The following LGSN variants were observed in gnomAD, a reference collection of about 807,000 sequenced individuals.
LGSN encodes lengsin.
In LGSN, 21 loss-of-function variants were observed where a neutral mutation model predicts 19.5. That is an observed-to-expected ratio of 1.07 (90% confidence interval 0.76 to 1.55). The LOEUF is 1.55. Among genes scored for constraint, LGSN ranks in the 40% most tolerant of loss-of-function variants. The pLI, the probability that LGSN is intolerant of heterozygous loss-of-function variation, is 0.00. For missense variants in LGSN, 673 were observed against 608.5 expected (o/e 1.11, Z -1.12); for synonymous variants, 257 against 215.6 (o/e 1.19, Z -1.68).
At chr6:63,313,703 G>A (rs149125309) in intron 1 of LGSN, among the ~76,000 whole-genome samples, 4,023 of 152,024 alleles carry the variant, frequency 0.026, 179 homozygotes, top group African/African-American at 0.093. Flanking sequence ...GGACATGGTG[G>A]TGCACGCCTG....
At chr6:63,456,028 G>C in the LGSN span, among the ~76,000 whole-genome samples, 7 of 151,704 alleles carry the variant, frequency 4.6e-5, no homozygotes, top group East Asian at 9.8e-4. Context: ...AGGAGTTCGG[G>C]ACCAGCCTGG....
At chr6:63,471,527 A>G in the LGSN span, among the ~76,000 whole-genome samples, 1 of 151,632 alleles carries the variant, frequency 6.6e-6, no homozygotes, top group Non-Finnish European at 1.5e-5. Context: ...TTAGCCAGGT[A>G]TGGTGGCAGG....
the LGSN span, among the ~76,000 whole-genome samples, chr6:63,472,435 T>C: frequency 6.6e-6 from 1 of 152,182 alleles, no homozygotes; most frequent in African/African-American, 2.4e-5. Flanking sequence ...GCTTCAACAT[T>C]GAGTGCCTAG....
the LGSN span, among the ~76,000 whole-genome samples, chr6:63,340,001 T>G: frequency 6.6e-6 from 1 of 152,150 alleles, no homozygotes; most frequent in Non-Finnish European, 1.5e-5. Context: ...TTACTTCTCC[T>G]CATTTTCTGA....
chr6:63,540,536 G>C, the LGSN span, among the ~76,000 whole-genome samples: 38,744 of 151,834 alleles, frequency 0.26, 5,835 homozygotes, highest in Admixed American at 0.34. Flanking sequence ...CATGAGAATC[G>C]CTTGAACCCA....
chr6:63,493,200 TTA>T, the LGSN span, among the ~76,000 whole-genome samples: 1 of 152,216 alleles, frequency 6.6e-6, no homozygotes, highest in Non-Finnish European at 1.5e-5. Context: ...GTTAGGAGAA[TTA>T]GGTCACAAAG....
chr6:63,543,016 C>G, the LGSN span, among the ~76,000 whole-genome samples: 4 of 152,164 alleles, frequency 2.6e-5, no homozygotes, highest in Non-Finnish European at 5.9e-5. Flanking sequence ...ATGAGTTCCA[C>G]TACCCATCAC....
the LGSN span, among the ~76,000 whole-genome samples, chr6:63,345,511 G>A: frequency 6.6e-6 from 1 of 152,108 alleles, no homozygotes; most frequent in Non-Finnish European, 1.5e-5. Flanking sequence ...GTCTTGGGAG[G>A]TCACTAGAAG....
the LGSN span, among the ~76,000 whole-genome samples, chr6:63,450,680 T>G: frequency 7.1e-6 from 1 of 140,260 alleles, no homozygotes; most frequent in African/African-American, 2.7e-5. Context: ...ATTATAATGG[T>G]TTTTTTTTTT....
chr6:63,382,079 G>A, the LGSN span, among the ~76,000 whole-genome samples: 2 of 152,032 alleles, frequency 1.3e-5, no homozygotes, highest in East Asian at 1.9e-4. Flanking sequence ...AATCATTAAG[G>A]CTTCTCACTT....
At chr6:63,357,435 T>C in the LGSN span, among the ~76,000 whole-genome samples, 1 of 150,142 alleles carries the variant, frequency 6.7e-6, no homozygotes, top group African/African-American at 2.5e-5. Flanking sequence ...TCGAAGTAGT[T>C]TACAGTCCCA....
chr6:63,359,106 G>T, the LGSN span, among the ~76,000 whole-genome samples: 16 of 151,824 alleles, frequency 1.1e-4, no homozygotes, highest in South Asian at 4.1e-4. Context: ...GGTTTTTGTC[G>T]TTGGTTCTGT....
At chr6:63,363,182 A>C in the LGSN span, among the ~76,000 whole-genome samples, 2 of 152,216 alleles carry the variant, frequency 1.3e-5, no homozygotes, top group African/African-American at 4.8e-5. Context: ...TCTACACCAA[A>C]ACCCCATCTG....
the LGSN span, among the ~76,000 whole-genome samples, chr6:63,403,544 T>G: frequency 6.6e-6 from 1 of 151,764 alleles, no homozygotes; most frequent in Non-Finnish European, 1.5e-5. Context: ...AAAACATAAA[T>G]TAAGTAGAAA....
At chr6:63,572,545 G>C in the LGSN span, 1 of 396,352 alleles carries the variant, frequency 2.5e-6, no homozygotes, top group Non-Finnish European at 4.4e-6. Flanking sequence ...GCTCCGAGCC[G>C]CTCACTGCAT....
At chr6:63,345,421 C>T in the LGSN span, among the ~76,000 whole-genome samples, 10 of 152,070 alleles carry the variant, frequency 6.6e-5, no homozygotes, top group Middle Eastern at 3.4e-3. Flanking sequence ...TTTTATTTTC[C>T]GCCAAAAATA....
the LGSN span, among the ~76,000 whole-genome samples, chr6:63,406,493 C>G: frequency 6.7e-6 from 1 of 149,608 alleles, no homozygotes; most frequent in Admixed American, 6.6e-5. Flanking sequence ...AACAAAGACA[C>G]AACATACCAG....
At chr6:63,392,368 G>A in the LGSN span, 7 of 152,390 alleles carry the variant, frequency 4.6e-5, no homozygotes, top group Non-Finnish European at 8.8e-5. Flanking sequence ...CTGTAAATGA[G>A]AGCAGCACTA....
chr6:63,457,891 T>A, the LGSN span, among the ~76,000 whole-genome samples: 86 of 152,078 alleles, frequency 5.7e-4, no homozygotes, highest in African/African-American at 1.5e-3. Context: ...ATAAATAAAT[T>A]AATTAATTAA....
Sources: allele counts gnomAD v4.1 joint callset (sites outside exome capture counted in the v4.1 genomes callset), GRCh38; gene constraint gnomAD v4.1.1; transcripts MANE v1.5; gene names NCBI Gene and HGNC (gene_info 2026-07-23, HGNC 2026-07-21).